Variants in HCRTR2 observed in about 807,000 individuals in gnomAD.
The protein encoded by HCRTR2 is orexin receptor type 2.
In HCRTR2, 22 loss-of-function variants were observed where a neutral mutation model predicts 49.0. The observed-to-expected ratio is 0.45, with a 90% CI of 0.32 to 0.64. The LOEUF (loss-of-function observed/expected upper bound fraction) is 0.64, where lower values mean the gene tolerates loss of function less well. Ranked by LOEUF, HCRTR2 falls within the 30% of genes least tolerant of loss-of-function variation. The pLI, the probability that HCRTR2 is intolerant of heterozygous loss-of-function variation, is 0.04. For synonymous variants in HCRTR2, 236 were observed against 205.3 expected, an observed-to-expected ratio of 1.15 and a Z score of -1.28; for missense variants, 491 against 559.4, an observed-to-expected ratio of 0.88 and a Z score of 1.23.
chr6:55,141,934 G>A, intron 1 of HCRTR2, among the ~76,000 whole-genome samples: 1 of 152,064 alleles, frequency 6.6e-6, no homozygotes, highest in Non-Finnish European at 1.5e-5. Context: ...AATTAAAGAT[G>A]TCAAACACCA....
intron 1 of HCRTR2, among the ~76,000 whole-genome samples, chr6:55,191,202 A>T (rs1193154537): frequency 6.6e-6 from 1 of 152,250 alleles, no homozygotes; most frequent in African/African-American, 2.4e-5. Flanking sequence ...TAGAGTTATT[A>T]GTGCGTACAT....
intron 1 of HCRTR2, among the ~76,000 whole-genome samples, chr6:55,237,418 A>T (rs1766234428): frequency 6.6e-6 from 1 of 152,120 alleles, no homozygotes; most frequent in Non-Finnish European, 1.5e-5. Flanking sequence ...TCCCTATCAG[A>T]GTTCATAACT....
chr6:55,147,030 C>T (rs983052639), intron 1 of HCRTR2, among the ~76,000 whole-genome samples: 1 of 151,976 alleles, frequency 6.6e-6, no homozygotes, highest in African/African-American at 2.4e-5. Context: ...TTTAAAAATC[C>T]CAAATGTTTC....
chr6:55,159,103 G>T (rs1297073440), intron 1 of HCRTR2, among the ~76,000 whole-genome samples: 1 of 152,140 alleles, frequency 6.6e-6, no homozygotes, highest in African/African-American at 2.4e-5. Flanking sequence ...AGCTTCGAGA[G>T]GAAGGAGCAG....
chr6:55,279,938 A>G (rs1435233490), intron 5 of HCRTR2, among the ~76,000 whole-genome samples: 1 of 152,122 alleles, frequency 6.6e-6, no homozygotes, highest in Non-Finnish European at 1.5e-5. Flanking sequence ...GTACTTGAAG[A>G]CTATCATTTA....
intron 1 of HCRTR2, among the ~76,000 whole-genome samples, chr6:55,139,275 G>C (rs909275449): frequency 1.3e-5 from 2 of 152,158 alleles, no homozygotes; most frequent in Non-Finnish European, 2.9e-5. Flanking sequence ...ACGTATGAGA[G>C]ACTAAGTTTA....
chr6:55,179,769 A>G (rs1206106461), intron 1 of HCRTR2, among the ~76,000 whole-genome samples: 1 of 152,206 alleles, frequency 6.6e-6, no homozygotes, highest in Non-Finnish European at 1.5e-5. Flanking sequence ...ACTAAATTGT[A>G]TCATATGATT....
At chr6:55,237,623 A>G (rs1412801158) in intron 1 of HCRTR2, among the ~76,000 whole-genome samples, 1 of 152,198 alleles carries the variant, frequency 6.6e-6, no homozygotes, top group African/African-American at 2.4e-5. Context: ...AAGAGGCTAA[A>G]TGCCAGAGCA....
chr6:55,249,793 C>A (rs1195902724), intron 2 of HCRTR2, among the ~76,000 whole-genome samples: 3 of 152,024 alleles, frequency 2.0e-5, no homozygotes, highest in African/African-American at 4.8e-5. Context: ...ACTCATCCAT[C>A]CTAAAAGATG....
intron 1 of HCRTR2, among the ~76,000 whole-genome samples, chr6:55,129,623 T>A (rs560303660): frequency 8.5e-5 from 13 of 152,206 alleles, no homozygotes; most frequent in African/African-American, 2.9e-4. Context: ...TCCATAAATA[T>A]TTTTTAGCAC....
intron 1 of HCRTR2, among the ~76,000 whole-genome samples, chr6:55,162,288 C>T (rs1764817610): frequency 6.6e-6 from 1 of 152,140 alleles, no homozygotes; most frequent in African/African-American, 2.4e-5. Context: ...AATTTAACAG[C>T]CCTTCATGCT....
intron 1 of HCRTR2, among the ~76,000 whole-genome samples, chr6:55,147,001 A>G (rs1169429211): frequency 7.2e-5 from 11 of 152,180 alleles, no homozygotes; most frequent in African/African-American, 2.7e-4. Flanking sequence ...ATGGGATGCT[A>G]CCTAAGCACT....
chr6:55,171,346 T>C (rs1764946840), upstream of HCRTR2, among the ~76,000 whole-genome samples: 1 of 152,180 alleles, frequency 6.6e-6, no homozygotes, highest in Admixed American at 6.5e-5. Flanking sequence ...GGGGATATCA[T>C]GGTACAAATT....
intron 1 of HCRTR2, among the ~76,000 whole-genome samples, chr6:55,231,564 T>C (rs1766115443): frequency 6.6e-6 from 1 of 152,152 alleles, no homozygotes; most frequent in Non-Finnish European, 1.5e-5. Flanking sequence ...ATCTGCTTTG[T>C]GTGCCTTTCC....
chr6:55,270,136 T>G (rs1405862783), intron 4 of HCRTR2, among the ~76,000 whole-genome samples: 1 of 152,204 alleles, frequency 6.6e-6, no homozygotes, highest in East Asian at 1.9e-4. Context: ...ATTACCCTAT[T>G]TTTGTATTTA....
chr6:55,167,856 G>T (rs950503018), intron 1 of HCRTR2, among the ~76,000 whole-genome samples: 1 of 152,062 alleles, frequency 6.6e-6, no homozygotes, highest in African/African-American at 2.4e-5. Flanking sequence ...AAAGAAAAGA[G>T]AATTTTTAGA....
At chr6:55,200,950 A>G (rs995847427) in intron 1 of HCRTR2, among the ~76,000 whole-genome samples, 5 of 152,234 alleles carry the variant, frequency 3.3e-5, no homozygotes, top group African/African-American at 1.2e-4. Context: ...TGTAGATCCA[A>G]ATTCCTCTTT....
intron 3 of HCRTR2, 95 bp from the exon 4 acceptor site, chr6:55,263,612 T>C (rs1413487580): frequency 1.4e-5 from 10 of 716,278 alleles, no homozygotes; most frequent in South Asian, 1.4e-4. Context: ...ATATAAAAGG[T>C]AAATATGCAC....
chr6:55,107,160 T>C (rs1271517775), intron 1 of HCRTR2, among the ~76,000 whole-genome samples: 53 of 152,178 alleles, frequency 3.5e-4, no homozygotes. Flanking sequence ...AAATATTTTC[T>C]GGTAATTATT....
Sources: gnomAD v4.1 joint callset for allele counts (sites outside exome capture counted in the v4.1 genomes callset) on GRCh38, gnomAD v4.1.1 for gene constraint, MANE v1.5 for transcripts, NCBI Gene and HGNC (gene_info 2026-07-23, HGNC 2026-07-21) for gene names.